REV3L: variants seen among roughly 807,000 people sequenced by gnomAD.
The protein encoded by REV3L is DNA polymerase zeta catalytic subunit.
REV3L carries 69 observed loss-of-function variants against 299.4 expected under a neutral mutation model. The ratio of observed to expected loss-of-function variants is 0.23; its 90% CI spans 0.19 to 0.28. REV3L has a LOEUF of 0.28. Among genes scored for constraint, REV3L ranks in the 10% least tolerant of loss-of-function variants. The probability of loss-of-function intolerance (pLI) is 1.00; values close to 1 mark genes in which losing one functional copy is unlikely to be tolerated. For missense variants in REV3L, 3,128 were observed against 3,693.8 expected (o/e 0.85, Z 3.97); for synonymous variants, 1,238 against 1,271.4 (o/e 0.97, Z 0.56).
intron 1 of REV3L, among the ~76,000 whole-genome samples, chr6:111,424,302 T>C (rs1785912524): frequency 6.6e-6 from 1 of 152,032 alleles, no homozygotes; most frequent in East Asian, 1.9e-4. Flanking sequence ...GGATCAGAGA[T>C]TGGTGGCAGG....
chr6:111,454,318 G>A (rs992240691), intron 1 of REV3L, among the ~76,000 whole-genome samples: 9 of 151,388 alleles, frequency 5.9e-5, no homozygotes, highest in African/African-American at 2.2e-4. Context: ...AAAACAATGT[G>A]AGGAACTACA....
At chr6:111,370,436 C>T (rs1248079436) in intron 13 of REV3L, among the ~76,000 whole-genome samples, 1 of 152,122 alleles carries the variant, frequency 6.6e-6, no homozygotes, top group African/African-American at 2.4e-5. Flanking sequence ...CCTTTCACTT[C>T]AAGTCATTAC....
intron 1 of REV3L, among the ~76,000 whole-genome samples, chr6:111,443,210 AGTGCAGT>A (rs1788476254): frequency 6.6e-6 from 1 of 151,468 alleles, no homozygotes; most frequent in African/African-American, 2.4e-5. Context: ...CCCAGGCTGG[AGTGCAGT>A]GGCTCACTGC....
intron 7 of REV3L, among the ~76,000 whole-genome samples, 166 bp from the exon 8 acceptor site, chr6:111,388,251 GGTT>G (rs1488861551): frequency 1.3e-5 from 2 of 151,896 alleles, no homozygotes; most frequent in Non-Finnish European, 2.9e-5. Context: ...AAAGAGAAAC[GGTT>G]GTTACTAAAG....
At chr6:111,371,022 A>G (rs1779750308) in intron 13 of REV3L, among the ~76,000 whole-genome samples, 1 of 151,706 alleles carries the variant, frequency 6.6e-6, no homozygotes, top group Non-Finnish European at 1.5e-5. Flanking sequence ...AGGTCAGTGC[A>G]TACATGCAGT....
intron 1 of REV3L, chr6:111,430,615 A>G: frequency 6.5e-7 from 1 of 1,527,760 alleles, no homozygotes; most frequent in Non-Finnish European, 9.1e-7. Context: ...GACACCTCGC[A>G]GAGTGGGGAG....
At chr6:111,382,319 A>C (rs1780910759) in intron 9 of REV3L, among the ~76,000 whole-genome samples, 1 of 152,158 alleles carries the variant, frequency 6.6e-6, no homozygotes, top group Non-Finnish European at 1.5e-5. Context: ...AGAGGGTAGA[A>C]AAGACAGTCG....
intron 30 of REV3L, 23 bp from the exon 31 acceptor site, chr6:111,307,593 G>T (rs1397393338): frequency 1.2e-6 from 2 of 1,609,216 alleles, no homozygotes; most frequent in Admixed American, 3.3e-5. Context: ...CCATTCAGAA[G>T]TAAGCCTGAG....
chr6:111,482,006 C>T (rs888948886), intron 1 of REV3L, among the ~76,000 whole-genome samples: 3 of 152,290 alleles, frequency 2.0e-5, no homozygotes, highest in Admixed American at 6.5e-5. Context: ...AATAAATTCA[C>T]CCCATTAAGT....
chr6:111,434,355 C>T (rs1787294652), intron 1 of REV3L, among the ~76,000 whole-genome samples: 1 of 152,116 alleles, frequency 6.6e-6, no homozygotes, highest in Admixed American at 6.5e-5. Flanking sequence ...TGGCTCATGC[C>T]TGTAATCCCA....
At chr6:111,480,838 GTT>G (rs56230820) in intron 1 of REV3L, among the ~76,000 whole-genome samples, 4,244 of 108,960 alleles carry the variant, frequency 0.039, 204 homozygotes, top group African/African-American at 0.13. Flanking sequence ...TTTCGTTTTT[GTT>G]TTTTTTTTTT....
chr6:111,402,285 G>T (rs771267395), intron 4 of REV3L, among the ~76,000 whole-genome samples: 5 of 152,008 alleles, frequency 3.3e-5, no homozygotes, highest in Non-Finnish European at 7.4e-5. Context: ...AAAAATGTCT[G>T]AAGTATGTTC....
chr6:111,310,968 C>A, intron 29 of REV3L, 101 bp downstream of exon 29: 1 of 903,396 alleles, frequency 1.1e-6, no homozygotes, highest in Non-Finnish European at 1.6e-6. Context: ...GGTAAAGAAA[C>A]AATTTTGTGT....
At chr6:111,458,195 T>C (rs984605155) in intron 1 of REV3L, among the ~76,000 whole-genome samples, 1 of 152,114 alleles carries the variant, frequency 6.6e-6, no homozygotes, top group Non-Finnish European at 1.5e-5. Context: ...AAACACGATA[T>C]GACCATCTCA....
Position 111,344,057 on chromosome 6 carries a change from C to G in REV3L, c.7420-14G>C. ...AGTTAGAGCCACCTAAAAAAAAAGG[C>G]AAGACACCATTATAATAATGCTTAC... On this transcript the variant is annotated splice_polypyrimidine_tract_variant and intron_variant, in intron 20 of 31. Transcript: ENST00000368802. The G allele has an allele frequency of 6.5e-7, 1 of 1,529,532 alleles. No homozygotes were observed. The highest frequency in any genetic ancestry group is 9.0e-7 in the Non-Finnish European group (1 of 1,117,098). 94.7% of individuals were successfully genotyped at this position (1,529,532 alleles called of 1,614,324 possible). A position where few individuals can be genotyped will look rare whatever the true frequency, so the allele number is the denominator to read the frequency against.
chr6:111,394,094 G>A (rs1782222085), intron 4 of REV3L, among the ~76,000 whole-genome samples: 1 of 152,124 alleles, frequency 6.6e-6, no homozygotes, highest in South Asian at 2.1e-4. Flanking sequence ...AATAAACATG[G>A]GGGTGTAGGT....
chr6:111,384,643 T>C (rs1345018283), intron 9 of REV3L, among the ~76,000 whole-genome samples: 1 of 152,170 alleles, frequency 6.6e-6, no homozygotes, highest in Non-Finnish European at 1.5e-5. Flanking sequence ...ACACTGTTGG[T>C]AGAAATGTAA....
intron 1 of REV3L, among the ~76,000 whole-genome samples, chr6:111,430,061 G>T (rs1434584593): frequency 6.6e-6 from 1 of 152,264 alleles, no homozygotes; most frequent in Non-Finnish European, 1.5e-5. Context: ...AAGAAAAGGG[G>T]AGAAAACAGA....
chr6:111,392,195 A>T (rs1782003166), intron 5 of REV3L, among the ~76,000 whole-genome samples: 5 of 152,220 alleles, frequency 3.3e-5, no homozygotes, highest in Admixed American at 3.3e-4. Context: ...CAAAAAATAT[A>T]ATCTCACAGT....
Sources: allele counts gnomAD v4.1 joint callset (sites outside exome capture counted in the v4.1 genomes callset), GRCh38; gene constraint gnomAD v4.1.1; transcripts MANE v1.5; gene names NCBI Gene and HGNC (gene_info 2026-07-23, HGNC 2026-07-21).